The following BMPR1B variants were observed in gnomAD, a reference collection of about 807,000 sequenced individuals.
BMPR1B encodes bone morphogenetic protein receptor type-1B.
In BMPR1B, 12 loss-of-function variants were observed where a neutral mutation model predicts 59.1. That is an observed-to-expected ratio of 0.20 (90% confidence interval 0.13 to 0.33). The LOEUF (loss-of-function observed/expected upper bound fraction) is 0.33. Among genes scored for constraint, BMPR1B ranks in the 10% least tolerant of loss-of-function variants. BMPR1B has a pLI of 1.00. For synonymous variants in BMPR1B, 237 were observed against 207.3 expected (o/e 1.14, Z -1.23); for missense variants, 550 against 610.9 (o/e 0.90, Z 1.05).
chr4:95,051,902 C>A, intron 3 of BMPR1B: 1 of 776,604 alleles, frequency 1.3e-6, no homozygotes, highest in Non-Finnish European at 2.0e-6. Flanking sequence ...CCCCCATTCT[C>A]CAACTGCCCT....
chr4:95,146,781 A>G (rs1221993256), intron 10 of BMPR1B, among the ~76,000 whole-genome samples: 1 of 152,326 alleles, frequency 6.6e-6, no homozygotes, highest in Non-Finnish European at 1.5e-5. Flanking sequence ...CTCTGCTCCC[A>G]TGAGAGGTGT....
At position 94,837,677 on chromosome 4, in the gene BMPR1B, C is replaced by G. The variant is rs1016428797; in HGVS notation, c.-182-38154C>G. On this transcript the variant is annotated intron_variant, in intron 1 of 12. Coordinates refer to ENST00000515059, the MANE Select transcript of BMPR1B (RefSeq NM_001203.3). ...TTTTGGGCTGAGACAGTGGGGTTTT[C>G]TAGATATACAATCATGTCATCTGCA... Among the ~76,000 whole-genome samples, 3 of 133,472 alleles carry G rather than the reference C, an allele frequency of 2.2e-5. 1 individual carries two copies. The highest frequency in any genetic ancestry group is 5.8e-5 in the African/African-American group (2 of 34,276). 87.6% of individuals were successfully genotyped at this position (133,472 alleles called of 152,430 possible). A position where few individuals can be genotyped will look rare whatever the true frequency, so the allele number is the denominator to read the frequency against.
In BMPR1B at chr4:95,058,786, T is replaced by G. The variant is rs939679090; in HGVS notation, c.-17-45622T>G. Among the ~76,000 whole-genome samples, 10 of 152,336 alleles carry G rather than the reference T, an allele frequency of 6.6e-5. No homozygotes were observed. In the South Asian group the frequency reaches 2.1e-3, roughly 32 times the overall value. ...TAAAAGAAAACTACATTTTTTCAAA[T>G]CTGAAAAATTCAAATCAGTATTTCA... On this transcript the variant is annotated intron_variant, in intron 3 of 12. Coordinates refer to ENST00000515059, the MANE Select transcript of BMPR1B (RefSeq NM_001203.3).
At chr4:94,856,719 G>A (rs554196752) in intron 1 of BMPR1B, among the ~76,000 whole-genome samples, 1 of 152,164 alleles carries the variant, frequency 6.6e-6, no homozygotes, top group East Asian at 1.9e-4. Context: ...CTGTTTTGTG[G>A]TAGATGCCGT....
At chr4:94,825,973 C>A (rs114991307) in intron 1 of BMPR1B, among the ~76,000 whole-genome samples, 2 of 152,034 alleles carry the variant, frequency 1.3e-5, no homozygotes, top group Non-Finnish European at 1.5e-5. Flanking sequence ...TTTTGCATTA[C>A]AGATATTACT....
chr4:95,103,770 G>C (rs974139242), intron 3 of BMPR1B, among the ~76,000 whole-genome samples: 2 of 151,998 alleles, frequency 1.3e-5, no homozygotes, highest in Non-Finnish European at 2.9e-5. Flanking sequence ...TACAGTAATA[G>C]GTAGGCATTT....
At chr4:95,103,862 T>C (rs1313148317) in intron 3 of BMPR1B, among the ~76,000 whole-genome samples, 1 of 152,052 alleles carries the variant, frequency 6.6e-6, no homozygotes, top group Non-Finnish European at 1.5e-5. Context: ...TCTTACCCAA[T>C]TTTACAGATT....
intron 1 of BMPR1B, among the ~76,000 whole-genome samples, chr4:94,862,840 G>C (rs1337913006): frequency 1.3e-5 from 2 of 151,772 alleles, no homozygotes; most frequent in Non-Finnish European, 2.9e-5. Context: ...AGCTACTCAG[G>C]AGGCTGAGGC....
intron 1 of BMPR1B, among the ~76,000 whole-genome samples, chr4:94,820,549 G>A (rs1333876380): frequency 6.6e-6 from 1 of 152,140 alleles, no homozygotes; most frequent in Non-Finnish European, 1.5e-5. Flanking sequence ...ATTAAAACAT[G>A]TTTTTCTCAT....
At chr4:95,087,397 A>C (rs555645885) in intron 3 of BMPR1B, among the ~76,000 whole-genome samples, 4 of 152,212 alleles carry the variant, frequency 2.6e-5, no homozygotes, top group Admixed American at 2.6e-4. Context: ...GTTAGATGTA[A>C]AATAGCACTC....
In BMPR1B at chr4:95,105,846, A is replaced by T. The variant is rs188205957; in HGVS notation, c.143+1279A>T. Among the ~76,000 whole-genome samples the T allele has an allele frequency of 5.4e-3, 828 of 152,164 alleles. 5 individuals are homozygous for T. Among genetic ancestry groups the T allele is most frequent in the Middle Eastern group, 0.014 (4 of 294 alleles). On this transcript the variant is annotated intron_variant, in intron 4 of 12. Coordinates refer to ENST00000515059, the MANE Select transcript of BMPR1B (RefSeq NM_001203.3). The stretch of plus-strand genomic sequence containing the variant: ...AATAGAAAAAGTATCAGGAGAGTTT[A>T]AAAATGTTTGAAAGAAAGCAAAATT...
chr4:94,893,044 T>C (rs1727460086), intron 2 of BMPR1B, among the ~76,000 whole-genome samples: 1 of 152,050 alleles, frequency 6.6e-6, no homozygotes, highest in African/African-American at 2.4e-5. Flanking sequence ...TTTAAATTGT[T>C]GTTAATGATT....
intron 3 of BMPR1B, among the ~76,000 whole-genome samples, chr4:95,077,929 G>A (rs957260480): frequency 2.6e-5 from 4 of 152,144 alleles, no homozygotes; most frequent in African/African-American, 7.2e-5. Flanking sequence ...GGCACACAGA[G>A]CATACCATTT....
intron 4 of BMPR1B, among the ~76,000 whole-genome samples, chr4:95,108,642 C>T (rs1028412326): frequency 1.8e-4 from 28 of 152,042 alleles, no homozygotes; most frequent in Non-Finnish European, 1.0e-4. Context: ...GGTGCAGATA[C>T]GGCTGCTTCC....
At chr4:95,148,044 A>G (rs918777714) in intron 10 of BMPR1B, among the ~76,000 whole-genome samples, 8 of 145,958 alleles carry the variant, frequency 5.5e-5, no homozygotes, top group African/African-American at 2.2e-4. Context: ...TCTTCCTTTG[A>G]AAAAAAAAGT....
At chr4:95,145,495 C>T (rs1308052888) in intron 10 of BMPR1B, among the ~76,000 whole-genome samples, 1 of 152,216 alleles carries the variant, frequency 6.6e-6, no homozygotes, top group Non-Finnish European at 1.5e-5. Context: ...TCACGTGTAC[C>T]ACACCATCTG....
intron 10 of BMPR1B, among the ~76,000 whole-genome samples, chr4:95,143,002 T>C (rs1425463453): frequency 6.6e-6 from 1 of 152,108 alleles, no homozygotes; most frequent in African/African-American, 2.4e-5. Context: ...ATTTAATGCA[T>C]GATAGTCAAG....
rs111260352 is a variant in BMPR1B at position 95,115,246 on chromosome 4, A to G, written c.246+424A>G. 5.3e-3 allele frequency among the ~76,000 whole-genome samples: 804 copies of G among 152,302 alleles called. 6 individuals are homozygous for G. The highest frequency in any genetic ancestry group is 0.018 in the African/African-American group (747 of 41,570). On this transcript the variant is annotated intron_variant, in intron 5 of 12. Transcript: ENST00000515059. ...CCTCATAACACATTTCTCACAACATATCCCTGTCTTTAAGTGACACATGAT... is the reference window on the plus strand; with the variant it reads ...CCTCATAACACATTTCTCACAACATGTCCCTGTCTTTAAGTGACACATGAT...
At chr4:94,896,068 T>C (rs537760138) in intron 2 of BMPR1B, among the ~76,000 whole-genome samples, 1 of 152,028 alleles carries the variant, frequency 6.6e-6, no homozygotes, top group East Asian at 1.9e-4. Flanking sequence ...TTCTACAGAT[T>C]TATTTTTCGT....
Sources: gnomAD v4.1 joint callset for allele counts (sites outside exome capture counted in the v4.1 genomes callset) on GRCh38, gnomAD v4.1.1 for gene constraint, MANE v1.5 for transcripts, NCBI Gene and HGNC (gene_info 2026-07-23, HGNC 2026-07-21) for gene names.